Variants in PLCG2 observed in about 807,000 individuals in gnomAD.
PLCG2 encodes phospholipase C gamma 2.
PLCG2 carries 69 observed loss-of-function variants against 175.6 expected under a neutral mutation model. The observed-to-expected ratio is 0.39, with a 90% CI of 0.32 to 0.48. The LOEUF is 0.48. PLCG2 is among the 20% of genes least tolerant of loss of function. The pLI, the probability that PLCG2 is intolerant of heterozygous loss-of-function variation, is 0.91. For missense variants in PLCG2, 1,798 were observed against 1,650.9 expected (o/e 1.09, Z -1.54); for synonymous variants, 827 against 624.0 (o/e 1.33, Z -4.85).
At chr16:81,838,504 C>A (rs1905642727) in intron 2 of PLCG2, among the ~76,000 whole-genome samples, 1 of 152,052 alleles carries the variant, frequency 6.6e-6, no homozygotes, top group Non-Finnish European at 1.5e-5. Context: ...CAAACTAACA[C>A]AGGAACAGAA....
At chr16:81,827,945 C>G (rs1278368476) in intron 2 of PLCG2, among the ~76,000 whole-genome samples, 1 of 151,846 alleles carries the variant, frequency 6.6e-6, no homozygotes, top group African/African-American at 2.4e-5. Flanking sequence ...ACAAAAGTAG[C>G]CAGGCATGGT....
At chr16:81,939,046 C>G (rs191887711) in intron 29 of PLCG2, 131 bp downstream of exon 29, 2 of 634,968 alleles carry the variant, frequency 3.1e-6, no homozygotes, top group African/African-American at 3.7e-5. Flanking sequence ...CTCTTGCCCA[C>G]ATGGTTCAGC....
upstream of PLCG2, among the ~76,000 whole-genome samples, chr16:81,775,137 C>A (rs1242401122): frequency 6.6e-6 from 1 of 152,166 alleles, no homozygotes; most frequent in Non-Finnish European, 1.5e-5. Flanking sequence ...GGCTTCAGCA[C>A]ATTCACAGAG....
intron 25 of PLCG2, among the ~76,000 whole-genome samples, chr16:81,934,092 G>A (rs1226894809): frequency 6.6e-6 from 1 of 152,196 alleles, no homozygotes; most frequent in Non-Finnish European, 1.5e-5. Context: ...CTCTAACAGT[G>A]TGGCTTTAGG....
In PLCG2 at chr16:81,840,722, C is replaced by T. The variant is rs532774375; in HGVS notation, c.194-13722C>T. Reference sequence around the variant, plus strand: ...TCGCTAGACCCCTGCTCACCTCCTGCTGTGCGGCTCGATTCCTAACGGGCC... The same window carrying T: ...TCGCTAGACCCCTGCTCACCTCCTGTTGTGCGGCTCGATTCCTAACGGGCC... On this transcript the variant is annotated intron_variant, in intron 2 of 32. Transcript: ENST00000564138. Among the ~76,000 whole-genome samples the T allele has an allele frequency of 9.2e-5, 14 of 152,326 alleles. No individual in the cohort carries two copies. The South Asian group carries it at 2.3e-3, about 25-fold the overall frequency.
At chr16:81,811,400 C>A (rs1904320189) in intron 2 of PLCG2, among the ~76,000 whole-genome samples, 1 of 152,130 alleles carries the variant, frequency 6.6e-6, no homozygotes. Flanking sequence ...GAAGGCCATT[C>A]CCAGTGTTAG....
intron 5 of PLCG2, among the ~76,000 whole-genome samples, chr16:81,861,890 C>T (rs1009927026): frequency 7.9e-5 from 12 of 152,192 alleles, no homozygotes; most frequent in African/African-American, 1.9e-4. Flanking sequence ...ATCTTCCCAT[C>T]GGCTGGTCCA....
Position 81,858,384 on chromosome 16 carries a change from G to A in PLCG2, c.431+28G>A, listed in dbSNP as rs201274263. The A allele has an allele frequency of 1.1e-4, 163 of 1,479,174 alleles. 1 individual carries two copies. Among genetic ancestry groups the A allele is most frequent in the African/African-American group, 5.0e-4 (36 of 72,378 alleles). The allele number at this position is 1,479,174 out of a possible 1,614,324, so 91.6% of individuals were successfully genotyped here. A position where few individuals can be genotyped will look rare whatever the true frequency, so the allele number is the denominator to read the frequency against. Reference sequence around the variant, plus strand: ...AGTTGGCTTTTGCCTGTTGATTTGCGTAGTTGCTGATTCCTTTATTCTGCT... The same window carrying A: ...AGTTGGCTTTTGCCTGTTGATTTGCATAGTTGCTGATTCCTTTATTCTGCT... On this transcript the variant is annotated intron_variant, in intron 4 of 32. Transcript: ENST00000564138.
intron 8 of PLCG2, 114 bp downstream of exon 8, chr16:81,881,067 G>A (rs1597370583): frequency 9.2e-7 from 1 of 1,089,308 alleles, no homozygotes; most frequent in Non-Finnish European, 1.4e-6. Flanking sequence ...CTCCAAAGGG[G>A]CAGGGGGCCC....
intron 3 of PLCG2, among the ~76,000 whole-genome samples, chr16:81,855,563 G>A (rs1373309638): frequency 6.6e-6 from 1 of 152,222 alleles, no homozygotes; most frequent in Non-Finnish European, 1.5e-5. Flanking sequence ...GTGTTAGGTT[G>A]TGTACATGCC....
intron 1 of PLCG2, among the ~76,000 whole-genome samples, chr16:81,750,479 A>G (rs922894666): frequency 3.3e-5 from 5 of 151,734 alleles, no homozygotes; most frequent in African/African-American, 9.7e-5. Context: ...TATTTACCCA[A>G]AAGATTTGAA....
chr16:81,885,019 C>G (rs1908286049), intron 9 of PLCG2, among the ~76,000 whole-genome samples: 2 of 151,780 alleles, frequency 1.3e-5, no homozygotes, highest in Admixed American at 6.6e-5. Flanking sequence ...TCCCGAATAG[C>G]TGGGACTACA....
At chr16:81,787,445 C>G (rs1056802755) in intron 2 of PLCG2, among the ~76,000 whole-genome samples, 2 of 121,616 alleles carry the variant, frequency 1.6e-5, no homozygotes, top group East Asian at 2.4e-4. Context: ...CCAGGCTTGT[C>G]TCCAATTCCT....
At chr16:81,825,267 C>G (rs1427368774) in intron 2 of PLCG2, among the ~76,000 whole-genome samples, 1 of 149,454 alleles carries the variant, frequency 6.7e-6, no homozygotes, top group Non-Finnish European at 1.5e-5. Context: ...TAAATTAGAT[C>G]TGAAGAGATG....
chr16:81,745,018 T>C (rs1322176180), intron 1 of PLCG2, among the ~76,000 whole-genome samples: 1 of 152,198 alleles, frequency 6.6e-6, no homozygotes, highest in African/African-American at 2.4e-5. Context: ...AAAAATAATG[T>C]TATGCAGTGG....
chr16:81,788,722 A>T (rs1911094581), intron 2 of PLCG2, among the ~76,000 whole-genome samples: 2 of 152,170 alleles, frequency 1.3e-5, no homozygotes, highest in South Asian at 4.1e-4. Context: ...TGCTTTCTGA[A>T]AGGCTTTTCC....
At chr16:81,948,296 A>T (rs1014321507) in intron 31 of PLCG2, among the ~76,000 whole-genome samples, 1 of 142,602 alleles carries the variant, frequency 7.0e-6, no homozygotes, top group Non-Finnish European at 1.6e-5. Context: ...CACTGGAATG[A>T]TTTAACATGG....
intron 30 of PLCG2, among the ~76,000 whole-genome samples, chr16:81,942,294 C>G (rs574535808): frequency 7.9e-5 from 12 of 152,290 alleles, no homozygotes; most frequent in Non-Finnish European, 1.3e-4. Flanking sequence ...GTCAATTCAT[C>G]TGCAGAATGC....
intron 2 of PLCG2, among the ~76,000 whole-genome samples, chr16:81,762,166 T>A (rs1260615641): frequency 6.6e-6 from 1 of 152,098 alleles, no homozygotes; most frequent in Non-Finnish European, 1.5e-5. Context: ...CTTTGTCACA[T>A]CTGTCTATGC....
Sources: gnomAD v4.1 joint callset for allele counts (sites outside exome capture counted in the v4.1 genomes callset) on GRCh38, gnomAD v4.1.1 for gene constraint, MANE v1.5 for transcripts, NCBI Gene and HGNC (gene_info 2026-07-23, HGNC 2026-07-21) for gene names.